The following STK32A variants were observed in gnomAD, a reference collection of about 807,000 sequenced individuals.
The protein encoded by STK32A is serine/threonine kinase 32A.
In STK32A, 41 loss-of-function variants were observed where a neutral mutation model predicts 53.2. The observed-to-expected ratio is 0.77, with a 90% CI of 0.60 to 1.00. STK32A has a LOEUF of 1.00. Among genes scored for constraint, STK32A ranks in the 50% least tolerant of loss-of-function variants. STK32A has a pLI of 0.00. For missense variants in STK32A, 458 were observed against 485.8 expected (o/e 0.94, Z 0.54); for synonymous variants, 166 against 162.8 (o/e 1.02, Z -0.15).
intron 2 of STK32A, among the ~76,000 whole-genome samples, chr5:147,272,938 C>A (rs1342766439): frequency 6.6e-6 from 1 of 152,156 alleles, no homozygotes; most frequent in Non-Finnish European, 1.5e-5. Flanking sequence ...GTGCTGTTCT[C>A]AATAGACTCA....
At chr5:147,251,005 T>C (rs1753972217) in intron 2 of STK32A, among the ~76,000 whole-genome samples, 2 of 150,306 alleles carry the variant, frequency 1.3e-5, no homozygotes, top group Non-Finnish European at 3.0e-5. Context: ...AGAAGTTTGG[T>C]CTAAAAGGAA....
intron 7 of STK32A, among the ~76,000 whole-genome samples, chr5:147,354,904 C>G (rs1028358126): frequency 1.3e-5 from 2 of 152,142 alleles, no homozygotes; most frequent in Non-Finnish European, 2.9e-5. Flanking sequence ...TTGCCTTATT[C>G]CAAAATGATT....
chr5:147,279,233 G>T lies in STK32A; in HGVS notation c.109-14G>T. The T allele has an allele frequency of 6.2e-7, 1 of 1,600,872 alleles. No homozygotes were observed. The highest frequency in any genetic ancestry group is 8.5e-7 in the Non-Finnish European group (1 of 1,170,810). ...TCTCCCTAATCACTCTCTCACTCGG[G>T]TTTTCACCATTAGGTCTGCATTGTA... On this transcript the variant is annotated splice_polypyrimidine_tract_variant and intron_variant, in intron 3 of 12. Coordinates refer to ENST00000397936, the MANE Select transcript of STK32A (RefSeq NM_001112724.2).
intron 9 of STK32A, among the ~76,000 whole-genome samples, chr5:147,371,515 C>T (rs1757004111): frequency 6.6e-6 from 1 of 152,138 alleles, no homozygotes; most frequent in South Asian, 2.1e-4. Flanking sequence ...AGTACCTATT[C>T]CTGGAACAGT....
In STK32A at chr5:147,347,858, G is replaced by C. The variant is rs575704607; in HGVS notation, c.473-3207G>C. 5.9e-5 allele frequency among the ~76,000 whole-genome samples: 9 copies of C among 152,290 alleles called. No individual in the cohort carries two copies. The South Asian group carries it at 1.9e-3, about 32-fold the overall frequency. ...GGCTGTAGCCGGACCTGGGACTAAG[G>C]CTTAGGGCCAGCACTCTGTGAAGTT... is the stretch of plus-strand genomic sequence containing the variant. On this transcript the variant is annotated intron_variant, in intron 6 of 12. Coordinates refer to ENST00000397936, the MANE Select transcript of STK32A (RefSeq NM_001112724.2).
Position 147,284,099 on chromosome 5 carries a change from G to A in STK32A, c.260+4701G>A, listed in dbSNP as rs547791167. On this transcript the variant is annotated intron_variant, in intron 4 of 12. Transcript: ENST00000397936. ...ATGATCAAGTGGGTTTCATATCAGG[G>A]ATGCAGGAATGGCTTAACATACACA... Among the ~76,000 whole-genome samples, 69 of 152,182 alleles carry A rather than the reference G, an allele frequency of 4.5e-4. No individual in the cohort carries two copies. In the East Asian group the frequency reaches 0.011, roughly 25 times the overall value.
rs557562300 is a variant in STK32A, at chr5:147,375,825, GAAGT to G, written c.1032+610_1032+613del. On this transcript the variant is annotated intron_variant, in intron 11 of 12. Coordinates refer to ENST00000397936, the MANE Select transcript of STK32A (RefSeq NM_001112724.2). ...TCAGAGTCAGAGCTCAGATTTCAGT[GAAGT>G]AACTTGCAAACACTCAGTAGGATTT... The G allele has an allele frequency of 1.6e-4, 24 of 152,278 alleles. 1 individual carries two copies. In the East Asian group the frequency reaches 4.4e-3, roughly 28 times the overall value. 9.4% of individuals were successfully genotyped at this position (152,278 alleles called of 1,614,324 possible).
intron 5 of STK32A, among the ~76,000 whole-genome samples, chr5:147,342,078 C>T (rs1755444819): frequency 6.6e-6 from 1 of 152,162 alleles, no homozygotes; most frequent in African/African-American, 2.4e-5. Context: ...TACTGCCTTT[C>T]CCTAATGTAC....
intron 6 of STK32A, among the ~76,000 whole-genome samples, chr5:147,344,231 T>G (rs12514269): frequency 0.25 from 37,725 of 152,078 alleles, 6,325 homozygotes; most frequent in African/African-American, 0.47. Context: ...TATTTACCTA[T>G]TTTTGAGCCT....
intron 4 of STK32A, 70 bp from the exon 5 acceptor site, chr5:147,323,828 C>G (rs956329029): frequency 2.2e-6 from 3 of 1,344,256 alleles, no homozygotes; most frequent in Non-Finnish European, 3.1e-6. Context: ...TCTGTAGGGT[C>G]TCATTTGTCT....
intron 5 of STK32A, among the ~76,000 whole-genome samples, chr5:147,330,651 A>T (rs1470801474): frequency 6.6e-6 from 1 of 152,180 alleles, no homozygotes; most frequent in African/African-American, 2.4e-5. Context: ...TCAACAAGTG[A>T]TCAGTAATGA....
intron 5 of STK32A, 147 bp downstream of exon 5, chr5:147,324,218 T>C (rs1754465902): frequency 1.2e-6 from 1 of 819,224 alleles, no homozygotes; most frequent in Admixed American, 3.2e-5. Context: ...ATTGTCTTCA[T>C]TTTGCAGATT....
intron 5 of STK32A, among the ~76,000 whole-genome samples, chr5:147,325,778 C>T (rs1674780724): frequency 6.6e-6 from 1 of 152,076 alleles, no homozygotes; most frequent in Non-Finnish European, 1.5e-5. Context: ...TTTTCTGGTC[C>T]CTCATAGCTC....
Position 147,386,909 on chromosome 5 carries a change from G to A in STK32A, c.*2926G>A, listed in dbSNP as rs1242990418. On this transcript the variant is annotated 3_prime_UTR_variant, in exon 13 of 13. Transcript: ENST00000397936. ...CTAGTTGTTGACATCAGATCCTTTG[G>A]TTTTATTCTATAACTTGGGCTAAAC... 6.6e-6 allele frequency: 1 copy of A among 152,118 alleles called. No individual in the cohort carries two copies. 9.4% of individuals were successfully genotyped at this position (152,118 alleles called of 1,614,324 possible). A position where few individuals can be genotyped will look rare whatever the true frequency, so the allele number is the denominator to read the frequency against.
chr5:147,272,722 A>T (rs577238038), intron 2 of STK32A, among the ~76,000 whole-genome samples: 97 of 152,336 alleles, frequency 6.4e-4, no homozygotes, highest in Admixed American at 1.7e-3. Flanking sequence ...ACTTAAAAAA[A>T]TTTGTAATTT....
At position 147,375,103 on chromosome 5, in the gene STK32A, A is replaced by G. The variant is rs778424953; in HGVS notation, c.917A>G (p.Asn306Ser). ...TCTTCCTTGCAGAAAGGCAGGCTGA[A>G]TTGTGATCCTACCTTTGAACTTGAG... Reference protein sequence around the residue: ...PGFIPNKGRLNCDPTFELEEM... With the variant: ...PGFIPNKGRLSCDPTFELEEM... The change falls in exon 11 of 13, where the codon AAT (asparagine) becomes AGT (serine). Residue 306 changes from asparagine to serine, a missense_variant. Coordinates refer to ENST00000397936, the MANE Select transcript of STK32A (RefSeq NM_001112724.2). The G allele has an allele frequency of 6.2e-7, 1 of 1,605,350 alleles. No homozygotes were observed. Among genetic ancestry groups the G allele is most frequent in the Non-Finnish European group, 8.5e-7 (1 of 1,177,034 alleles).
Position 147,374,757 on chromosome 5 carries a change from A to T in STK32A, c.904-333A>T, listed in dbSNP as rs189419629. Reference sequence around the variant, plus strand: ...GGGAAGTCTGGTTGGAGAACTGGGAAGCTGAGCAAGCAACTTAGGTGATTC... The same window carrying T: ...GGGAAGTCTGGTTGGAGAACTGGGATGCTGAGCAAGCAACTTAGGTGATTC... On this transcript the variant is annotated intron_variant, in intron 10 of 12. Transcript: ENST00000397936. Among the ~76,000 whole-genome samples, 598 of 152,266 alleles carry T rather than the reference A, an allele frequency of 3.9e-3. 2 individuals carry two copies. The highest frequency in any genetic ancestry group is 0.021 in the South Asian group (100 of 4,822).
downstream of STK32A, among the ~76,000 whole-genome samples, chr5:147,390,055 CT>C (rs1231443299): frequency 6.6e-6 from 1 of 152,140 alleles, no homozygotes; most frequent in Admixed American, 6.5e-5. Flanking sequence ...CAATTTCCCC[CT>C]GGTAAACTAG....
At chr5:147,288,181 C>G (rs1457844453) in intron 4 of STK32A, among the ~76,000 whole-genome samples, 2 of 152,130 alleles carry the variant, frequency 1.3e-5, no homozygotes, top group Admixed American at 1.3e-4. Flanking sequence ...AGAGAGGAGA[C>G]TTACCTCCAC....
Sources: allele counts gnomAD v4.1 joint callset (sites outside exome capture counted in the v4.1 genomes callset), GRCh38; gene constraint gnomAD v4.1.1; transcripts MANE v1.5; gene names NCBI Gene and HGNC (gene_info 2026-07-23, HGNC 2026-07-21).